SLX4IP: variants seen among roughly 807,000 people sequenced by gnomAD.
SLX4IP encodes the protein SLX4 interacting protein.
SLX4IP carries 34 observed loss-of-function variants against 32.9 expected under a neutral mutation model. That is an observed-to-expected ratio of 1.03 (90% confidence interval 0.79 to 1.38). The LOEUF (loss-of-function observed/expected upper bound fraction) is 1.38, where lower values mean the gene tolerates loss of function less well. Ranked by LOEUF, SLX4IP falls within the 40% of genes most tolerant of loss-of-function variation. The probability of loss-of-function intolerance (pLI) is 0.00; values close to 1 mark genes in which losing one functional copy is unlikely to be tolerated. For synonymous variants in SLX4IP, 172 were observed against 171.7 expected (o/e 1.00, Z -0.01); for missense variants, 444 against 479.0 (o/e 0.93, Z 0.68).
At chr20:10,580,040 G>C (rs1416987815) in intron 4 of SLX4IP, among the ~76,000 whole-genome samples, 1 of 152,082 alleles carries the variant, frequency 6.6e-6, no homozygotes. Context: ...GACTCTAATT[G>C]TTCCATTTTA....
intron 2 of SLX4IP, among the ~76,000 whole-genome samples, chr20:10,537,180 T>C (rs571310517): frequency 2.4e-4 from 36 of 152,298 alleles, no homozygotes; most frequent in Admixed American, 7.2e-4. Flanking sequence ...TGTTACATGG[T>C]AAAACTTGAG....
At chr20:10,521,827 G>A (rs889393685) in intron 2 of SLX4IP, among the ~76,000 whole-genome samples, 2 of 152,162 alleles carry the variant, frequency 1.3e-5, no homozygotes, top group South Asian at 2.1e-4. Flanking sequence ...AAGGCACAAC[G>A]GATAATCTGA....
At chr20:10,558,374 T>C (rs1297130730) in intron 3 of SLX4IP, among the ~76,000 whole-genome samples, 1 of 149,170 alleles carries the variant, frequency 6.7e-6, no homozygotes, top group African/African-American at 2.5e-5. Context: ...AATTCGCTGA[T>C]GTTAAAATTC....
rs73073402 is a variant in SLX4IP at position 10,586,874 on chromosome 20, T to C, written c.239-11801T>C. Among the ~76,000 whole-genome samples, 782 of 152,130 alleles carry C rather than the reference T, an allele frequency of 5.1e-3. 6 individuals are homozygous for C. Among genetic ancestry groups the C allele is most frequent in the Non-Finnish European group, 7.2e-3 (492 of 67,970 alleles). On this transcript the variant is annotated intron_variant, in intron 4 of 7. Transcript: ENST00000334534. ...GCTAAGAATAAATATAAACCCTGAA[T>C]AGATTATTAAAGAATTTAAACCACT... is the stretch of plus-strand genomic sequence containing the variant.
At chr20:10,510,506 T>C (rs2065797239) in intron 2 of SLX4IP, among the ~76,000 whole-genome samples, 1 of 152,204 alleles carries the variant, frequency 6.6e-6, no homozygotes, top group Admixed American at 6.5e-5. Flanking sequence ...CCTGTCCAGC[T>C]CTACTAAAGA....
At chr20:10,452,478 C>G (rs923705318) in intron 1 of SLX4IP, among the ~76,000 whole-genome samples, 1 of 151,518 alleles carries the variant, frequency 6.6e-6, no homozygotes, top group Non-Finnish European at 1.5e-5. Flanking sequence ...CCAGCCTGAC[C>G]GATATGATGA....
chr20:10,623,383 C>T lies in SLX4IP; in HGVS notation c.*4C>T, dbSNP rs767073657. 6.5e-5 allele frequency: 104 copies of T among 1,606,568 alleles called. No homozygotes were observed. The highest frequency in any genetic ancestry group is 1.9e-4 in the Admixed American group (11 of 58,790). Reference sequence around the variant, plus strand: ...GAAATACGAAAGAGGCCATTAACACCGAAGAGGTTTGTACCGTTGGAGTTG... The same window carrying T: ...GAAATACGAAAGAGGCCATTAACACTGAAGAGGTTTGTACCGTTGGAGTTG... On this transcript the variant is annotated 3_prime_UTR_variant, in exon 8 of 8. Coordinates refer to ENST00000334534, the MANE Select transcript of SLX4IP (RefSeq NM_001009608.3).
chr20:10,617,025 A>T (rs551633822), intron 6 of SLX4IP, among the ~76,000 whole-genome samples: 16 of 152,356 alleles, frequency 1.1e-4, no homozygotes, highest in African/African-American at 3.8e-4. Context: ...GCTGGGTATC[A>T]GAATCACTGA....
Position 10,479,655 on chromosome 20 carries a change from A to G in SLX4IP, c.27+21424A>G, listed in dbSNP as rs527913538. 3.9e-3 allele frequency among the ~76,000 whole-genome samples: 553 copies of G among 142,846 alleles called. 1 individual carries two copies. The highest frequency in any genetic ancestry group is 0.014 in the African/African-American group (534 of 38,256). 93.7% of individuals were successfully genotyped at this position (142,846 alleles called of 152,430 possible). A position where few individuals can be genotyped will look rare whatever the true frequency, so the allele number is the denominator to read the frequency against. On this transcript the variant is annotated intron_variant, in intron 2 of 7. Transcript: ENST00000334534. ...TGAGCCACGTCCCGGCTCGAATTGC[A>G]TATTTCTATTACTGTTAACATGTTA...
rs2067146879 is a variant in SLX4IP, at chr20:10,624,104, TG to T, written c.*728del. On this transcript the variant is annotated 3_prime_UTR_variant, in exon 8 of 8. Coordinates refer to ENST00000334534, the MANE Select transcript of SLX4IP (RefSeq NM_001009608.3). ...TCGTAAAACACTTGGGTTTGGTGTA[TG>T]GGTCACTCTCTTCCGGGTTCTACAG... The T allele has an allele frequency of 6.6e-6, 1 of 152,224 alleles. No homozygotes were observed. The highest frequency in any genetic ancestry group is 6.5e-5 in the Admixed American group (1 of 15,282). 9.4% of individuals were successfully genotyped at this position (152,224 alleles called of 1,614,324 possible).
At chr20:10,537,868 C>T (rs2066062655) in intron 2 of SLX4IP, among the ~76,000 whole-genome samples, 1 of 152,172 alleles carries the variant, frequency 6.6e-6, no homozygotes, top group Admixed American at 6.5e-5. Flanking sequence ...TAGATGTTGT[C>T]TGTTCACAAT....
Position 10,436,741 on chromosome 20 carries a change from T to C in SLX4IP, c.-30+1288T>C, listed in dbSNP as rs978529833. Among the ~76,000 whole-genome samples, 5 of 152,306 alleles carry C rather than the reference T, an allele frequency of 3.3e-5. No homozygotes were observed. The South Asian group carries it at 6.2e-4, about 19-fold the overall frequency. ...TGCATGTTCTAAATGCAATGGATATTTGACAGGTTTTTTTCTGTGCTTTTA... is the reference window on the plus strand; with the variant it reads ...TGCATGTTCTAAATGCAATGGATATCTGACAGGTTTTTTTCTGTGCTTTTA... On this transcript the variant is annotated intron_variant, in intron 1 of 7. Coordinates refer to ENST00000334534, the MANE Select transcript of SLX4IP (RefSeq NM_001009608.3).
intron 2 of SLX4IP, among the ~76,000 whole-genome samples, chr20:10,552,874 A>G (rs534667945): frequency 7.1e-6 from 1 of 140,464 alleles, no homozygotes; most frequent in African/African-American, 2.6e-5. Context: ...TAGGAGGGTT[A>G]CAAGAAAAAA....
At chr20:10,518,533 CCTTCCTTCCTTCCTTCCTTT>C (rs2065877650) in intron 2 of SLX4IP, among the ~76,000 whole-genome samples, 1 of 107,240 alleles carries the variant, frequency 9.3e-6, no homozygotes, top group Non-Finnish European at 2.2e-5. Context: ...TTCCTTCCTT[CCTTCCTTCCTTCCTTCCTTT>C]CCTTCTTTCT....
chr20:10,494,598 G>A (rs912315266), intron 2 of SLX4IP, among the ~76,000 whole-genome samples: 2 of 151,840 alleles, frequency 1.3e-5, no homozygotes, highest in African/African-American at 4.8e-5. Context: ...TGTGCTAGAC[G>A]TTTGCCTGCT....
intron 2 of SLX4IP, among the ~76,000 whole-genome samples, chr20:10,543,063 C>G (rs1038537312): frequency 6.6e-6 from 1 of 152,328 alleles, no homozygotes; most frequent in East Asian, 1.9e-4. Flanking sequence ...ACCCACCTGT[C>G]ATTTCATCCA....
At chr20:10,545,272 T>G (rs1233207413) in intron 2 of SLX4IP, among the ~76,000 whole-genome samples, 2 of 152,096 alleles carry the variant, frequency 1.3e-5, no homozygotes, top group East Asian at 3.9e-4. Flanking sequence ...TTGTTGGGGC[T>G]CTCCAAGGTT....
chr20:10,550,878 C>A lies in SLX4IP; in HGVS notation c.28-5353C>A, dbSNP rs139935350. Among the ~76,000 whole-genome samples the A allele has an allele frequency of 2.8e-3, 422 of 152,336 alleles. 1 individual carries two copies. Among genetic ancestry groups the A allele is most frequent in the African/African-American group, 9.6e-3 (400 of 41,582 alleles). On this transcript the variant is annotated intron_variant, in intron 2 of 7. Coordinates refer to ENST00000334534, the MANE Select transcript of SLX4IP (RefSeq NM_001009608.3). ...CTCAGGCAGAGCTGTCACTCCGCTC[C>A]CTCTGGTACTTGGGTATGTGCCGTG...
intron 2 of SLX4IP, among the ~76,000 whole-genome samples, chr20:10,487,686 CAT>C (rs1182846565): frequency 2.0e-5 from 3 of 152,176 alleles, no homozygotes; most frequent in South Asian, 2.1e-4. Context: ...TTCTCGCACA[CAT>C]GTTTCTTTTC....
Sources: gnomAD v4.1 joint callset for allele counts (sites outside exome capture counted in the v4.1 genomes callset) on GRCh38, gnomAD v4.1.1 for gene constraint, MANE v1.5 for transcripts, NCBI Gene and HGNC (gene_info 2026-07-23, HGNC 2026-07-21) for gene names.